TBC1D30: variants seen among roughly 807,000 people sequenced by gnomAD.
TBC1D30 encodes TBC1 domain family, member 30.
TBC1D30 carries 31 observed loss-of-function variants against 63.2 expected under a neutral mutation model. That is an observed-to-expected ratio of 0.49 (90% CI 0.37 to 0.66). The LOEUF is 0.66. TBC1D30 is among the 30% of genes least tolerant of loss of function. The pLI, the probability that TBC1D30 is intolerant of heterozygous loss-of-function variation, is 0.00. For missense variants in TBC1D30, 810 were observed against 953.6 expected, an observed-to-expected ratio of 0.85 and a Z score of 1.98; for synonymous variants, 307 against 361.5, an observed-to-expected ratio of 0.85 and a Z score of 1.71.
In TBC1D30 at chr12:64,824,778, G is replaced by A. The variant is rs1874146637; in HGVS notation, c.-102G>A. ...GCTCCCTGCTCCCACGGGCCGGTCA[G>A]CCGCAGACACTCACCCAGCTCCGCG... On this transcript the variant is annotated 5_prime_UTR_variant, in exon 1 of 12. Coordinates refer to ENST00000539867, the MANE Select transcript of TBC1D30 (RefSeq NM_015279.2). 4 of 1,432,496 alleles carry A rather than the reference G, an allele frequency of 2.8e-6. No individual in the cohort carries two copies. Among genetic ancestry groups the A allele is most frequent in the South Asian group, 2.8e-5 (2 of 71,070 alleles). 88.7% of individuals were successfully genotyped at this position (1,432,496 alleles called of 1,614,324 possible).
chr12:64,799,588 A>C (rs1390099221), intron 2 of TBC1D30, among the ~76,000 whole-genome samples: 1 of 152,152 alleles, frequency 6.6e-6, no homozygotes, highest in African/African-American at 2.4e-5. Context: ...GGATAATATA[A>C]TTTTTTAACT....
chr12:64,778,643 G>T (rs1235905449), upstream of TBC1D30, among the ~76,000 whole-genome samples: 1 of 134,492 alleles, frequency 7.4e-6, no homozygotes, highest in Non-Finnish European at 1.5e-5. Context: ...TGCAACCTCC[G>T]CCTCCTGGGT....
intron 2 of TBC1D30, among the ~76,000 whole-genome samples, chr12:64,810,174 A>G (rs1852172989): frequency 6.6e-6 from 1 of 152,188 alleles, no homozygotes; most frequent in Non-Finnish European, 1.5e-5. Flanking sequence ...TGAGACAACC[A>G]ATAGCAAAAT....
chr12:64,794,905 A>G (rs925762658), intron 2 of TBC1D30, among the ~76,000 whole-genome samples: 6 of 152,226 alleles, frequency 3.9e-5, no homozygotes, highest in African/African-American at 1.2e-4. Flanking sequence ...TAGATGCAAT[A>G]TATTTTCTTA....
intron 6 of TBC1D30, 109 bp downstream of exon 6, chr12:64,836,767 A>G: frequency 8.9e-7 from 1 of 1,123,664 alleles, no homozygotes; most frequent in Non-Finnish European, 1.2e-6. Context: ...TATTTTTGTA[A>G]GAGCTTGGTG....
At chr12:64,858,386 G>C (rs1354356894) in intron 8 of TBC1D30, among the ~76,000 whole-genome samples, 6 of 152,152 alleles carry the variant, frequency 3.9e-5, no homozygotes, top group Non-Finnish European at 8.8e-5. Flanking sequence ...GGAATATGCT[G>C]GATCTCCCCT....
At chr12:64,816,941 G>C (rs1873579266) in intron 2 of TBC1D30, among the ~76,000 whole-genome samples, 1 of 152,070 alleles carries the variant, frequency 6.6e-6, no homozygotes, top group South Asian at 2.1e-4. Context: ...TGATCCTCCT[G>C]CCTCAGTCCA....
In TBC1D30 at chr12:64,759,495, C is replaced by T. The variant is rs973175195; in HGVS notation, c.-530C>T. 1.4e-5 allele frequency: 7 copies of T among 505,764 alleles called. No individual in the cohort carries two copies. The Admixed American group carries it at 2.6e-4, about 19-fold the overall frequency. 31.3% of individuals were successfully genotyped at this position (505,764 alleles called of 1,614,324 possible). On this transcript the variant is annotated 5_prime_UTR_variant, in exon 1 of 14. Transcript: ENST00000674237. ...GTGACGGCCGGCGTGGGCGGGGCTG[C>T]GGACTGGCGCAGCCTGGAGGGAGGC...
chr12:64,871,340 C>G (rs975039729), intron 11 of TBC1D30, among the ~76,000 whole-genome samples: 1 of 152,196 alleles, frequency 6.6e-6, no homozygotes, highest in Non-Finnish European at 1.5e-5. Flanking sequence ...TGGAAATGCT[C>G]TTTTCCAAGG....
chr12:64,870,782 A>T lies in TBC1D30; in HGVS notation c.1472A>T (p.Gln491Leu). 1 of 1,536,070 alleles carries T rather than the reference A, an allele frequency of 6.5e-7. No individual in the cohort carries two copies. The highest frequency in any genetic ancestry group is 8.7e-7 in the Non-Finnish European group (1 of 1,146,856). Residue 491 changes from glutamine to leucine, a missense_variant, in exon 11 of 12, where the codon CAG (glutamine) becomes CTG (leucine). Around this residue, in one of 4 missense-constraint regions of TBC1D30, gnomAD observed 450 missense variants for 473.0 expected, o/e 0.95. Transcript: ENST00000539867. ...CGAATTAAAAAGAAGCAACAGCAGC[A>T]GGTTCATCAGGTGTACATCAGGGCA... Reference protein sequence around the residue: ...YSRIKKKQQQQVHQVYIRADK... With the variant: ...YSRIKKKQQQLVHQVYIRADK...
chr12:64,785,858 T>C, intron 1 of TBC1D30: 1 of 1,282,468 alleles, frequency 7.8e-7, no homozygotes, highest in Non-Finnish European at 1.0e-6. Flanking sequence ...TTAATCGTTA[T>C]TCTTATTTTT....
exon 2 of TBC1D30, chr12:64,786,015 G>C: frequency 7.8e-7 from 1 of 1,288,724 alleles, no homozygotes. Context: ...TATTGTGACT[G>C]CCTGCTTGCA....
At position 64,805,305 on chromosome 12, in the gene TBC1D30, G is replaced by T. The variant is rs75653637; in HGVS notation, c.643+19260G>T. Reference sequence around the variant, plus strand: ...TCCTATAAAAAGACACAGGCTTTATGGCGCTAAACAGTCTTTATGTATCCA... The same window carrying T: ...TCCTATAAAAAGACACAGGCTTTATTGCGCTAAACAGTCTTTATGTATCCA... On this transcript the variant is annotated intron_variant, in intron 2 of 12. Transcript: ENST00000542120. Among the ~76,000 whole-genome samples, 615 of 152,324 alleles carry T rather than the reference G, an allele frequency of 4.0e-3. 3 individuals are homozygous for T. Among genetic ancestry groups the T allele is most frequent in the African/African-American group, 0.014 (585 of 41,562 alleles).
At chr12:64,817,639 TCATCACCAA>T (rs1035440913) in intron 2 of TBC1D30, among the ~76,000 whole-genome samples, 1 of 152,220 alleles carries the variant, frequency 6.6e-6, no homozygotes, top group African/African-American at 2.4e-5. Context: ...TTCCCTCTTG[TCATCACCAA>T]AATCAAGCAT....
At chr12:64,762,587 A>C (rs1870555523) in intron 1 of TBC1D30, among the ~76,000 whole-genome samples, 1 of 152,190 alleles carries the variant, frequency 6.6e-6, no homozygotes, top group Non-Finnish European at 1.5e-5. Context: ...ATTTAGACTA[A>C]AACAAAATAT....
In TBC1D30 at chr12:64,830,479, T is replaced by C. The variant is rs1057448639; in HGVS notation, c.385T>C (p.Ser129Pro). Reference protein sequence around the residue: ...FNERSNPDDDSMGIQIVKDLH... With the variant: ...FNERSNPDDDPMGIQIVKDLH... ...TGAAAGGAGTAATCCTGATGATGAC[T>C]CCATGGGAATTCAGATAGTCAAGGT... Residue 129 changes from serine to proline, a missense_variant, in exon 4 of 12, where the codon TCC (serine) becomes CCC (proline). By Grantham distance (74) the Ser-to-Pro change is moderately conservative. Around this residue, in one of 4 missense-constraint regions of TBC1D30, gnomAD observed 272 missense variants for 335.9 expected, o/e 0.81. Coordinates refer to ENST00000539867, the MANE Select transcript of TBC1D30 (RefSeq NM_015279.2). 1 of 1,534,014 alleles carries C rather than the reference T, an allele frequency of 6.5e-7. No individual in the cohort carries two copies. The highest frequency in any genetic ancestry group is 8.7e-7 in the Non-Finnish European group (1 of 1,145,640).
At chr12:64,785,069 T>C (rs1159401059) in intron 1 of TBC1D30, among the ~76,000 whole-genome samples, 2 of 152,188 alleles carry the variant, frequency 1.3e-5, no homozygotes, top group Non-Finnish European at 2.9e-5. Context: ...TATTGCCACA[T>C]TCATCTACAT....
chr12:64,784,226 T>C (rs1871436821), intron 1 of TBC1D30, among the ~76,000 whole-genome samples: 1 of 152,092 alleles, frequency 6.6e-6, no homozygotes, highest in Non-Finnish European at 1.5e-5. Context: ...CATTTGTTTC[T>C]CAGCATAATC....
intron 7 of TBC1D30, among the ~76,000 whole-genome samples, chr12:64,840,800 G>T (rs1040574919): frequency 2.0e-5 from 3 of 152,140 alleles, no homozygotes; most frequent in Admixed American, 2.0e-4. Flanking sequence ...AAGTTTAGGG[G>T]ATATATGAAT....
Sources: gnomAD v4.1 joint callset for allele counts (sites outside exome capture counted in the v4.1 genomes callset) on GRCh38, gnomAD v4.1.1 for gene constraint, gnomAD v4.1.1 regional missense constraint, MANE v1.5 for transcripts, NCBI Gene and HGNC (gene_info 2026-07-23, HGNC 2026-07-21) for gene names.